Variants in SPON1 observed in about 807,000 individuals in gnomAD.
SPON1 encodes spondin 1.
SPON1 carries 52 observed loss-of-function variants against 111.7 expected under a neutral mutation model. The observed-to-expected ratio is 0.47, with a 90% confidence interval of 0.37 to 0.59. The LOEUF is 0.59. Among genes scored for constraint, SPON1 ranks in the 20% least tolerant of loss-of-function variants. The probability of loss-of-function intolerance (pLI) is 0.00; values close to 1 mark genes in which losing one functional copy is unlikely to be tolerated. For synonymous variants in SPON1, 410 were observed against 395.8 expected, an observed-to-expected ratio of 1.04 and a Z score of -0.43; for missense variants, 957 against 1,068.5, an observed-to-expected ratio of 0.90 and a Z score of 1.46.
intron 3 of SPON1, among the ~76,000 whole-genome samples, chr11:14,046,283 T>C (rs1490683818): frequency 2.0e-5 from 3 of 152,186 alleles, no homozygotes; most frequent in African/African-American, 7.2e-5. Context: ...TCTAATTCCT[T>C]GTGGACTCTC....
chr11:14,103,790 A>G (rs1009961215), intron 5 of SPON1, among the ~76,000 whole-genome samples: 1 of 152,174 alleles, frequency 6.6e-6, no homozygotes, highest in Non-Finnish European at 1.5e-5. Context: ...AATTGTTGGC[A>G]ATACCTACCC....
At chr11:14,152,294 A>G (rs1554929983) in intron 6 of SPON1, among the ~76,000 whole-genome samples, 1 of 152,166 alleles carries the variant, frequency 6.6e-6, no homozygotes, top group Non-Finnish European at 1.5e-5. Flanking sequence ...AGTTCTCCAA[A>G]CTACAACCTA....
At chr11:14,068,109 T>C (rs529770285) in intron 3 of SPON1, among the ~76,000 whole-genome samples, 86 of 152,354 alleles carry the variant, frequency 5.6e-4, no homozygotes, top group Non-Finnish European at 2.1e-4. Flanking sequence ...ATATCTCTTA[T>C]ATGAAAATCA....
chr11:14,259,608 A>C lies in SPON1; in HGVS notation c.1738A>C (p.Lys580Gln). 1 of 1,557,676 alleles carries C rather than the reference A, an allele frequency of 6.4e-7. No homozygotes were observed. The highest frequency in any genetic ancestry group is 1.2e-5 in the South Asian group (1 of 84,322). ...CGCCACCTGCGGCATGGGCATGAAG[A>C]AGCGGCACCGCATGATCAAGATGAA... ...CSATCGMGMKKRHRMIKMNPA... is the reference protein window; with the variant it reads ...CSATCGMGMKQRHRMIKMNPA... Residue 580 changes from lysine (K) to glutamine (Q), a missense_variant, in exon 13 of 16, where the codon AAG (lysine) becomes CAG (glutamine). Around this residue, in one of 5 missense-constraint regions of SPON1, gnomAD observed 549 missense variants for 606.2 expected, o/e 0.91. Coordinates refer to ENST00000576479, the MANE Select transcript of SPON1 (RefSeq NM_006108.4). This position sits in a 1 kb window ranked among gnomAD's most constrained non-coding sequence, Gnocchi z 5.0.
chr11:13,993,309 C>T (rs146920493), intron 2 of SPON1, among the ~76,000 whole-genome samples: 63 of 151,964 alleles, frequency 4.1e-4, no homozygotes, highest in Admixed American at 9.8e-4. Flanking sequence ...ACAGCGGGTT[C>T]CAGCACAACA....
At chr11:14,157,557 T>C (rs1023246750) in intron 6 of SPON1, among the ~76,000 whole-genome samples, 6 of 152,022 alleles carry the variant, frequency 3.9e-5, no homozygotes. Context: ...ACTTCATGCA[T>C]CCATGTCTTG....
chr11:14,117,607 G>C (rs1849276318), intron 5 of SPON1, among the ~76,000 whole-genome samples: 1 of 152,168 alleles, frequency 6.6e-6, no homozygotes, highest in Non-Finnish European at 1.5e-5. Flanking sequence ...TACATCTATG[G>C]TCATGAAAGA....
At chr11:13,999,546 C>T (rs914285325) in intron 2 of SPON1, among the ~76,000 whole-genome samples, 3 of 151,966 alleles carry the variant, frequency 2.0e-5, no homozygotes, top group Non-Finnish European at 2.9e-5. Flanking sequence ...GCTGGGACTA[C>T]AGGCACCCGC....
intron 2 of SPON1, among the ~76,000 whole-genome samples, chr11:14,026,621 G>A (rs543900008): frequency 3.9e-4 from 59 of 152,288 alleles, no homozygotes; most frequent in African/African-American, 1.3e-3. Flanking sequence ...ATCCCATGCC[G>A]ATGTCTGCTG....
At position 14,011,646 on chromosome 11, in the gene SPON1, A is replaced by C. The variant is rs143307716; in HGVS notation, c.345+28693A>C. ...TTCTACATGGCTTATGAGGCCCTTC[A>C]TGATCTGGCAACTAGCTCACATTTC... On this transcript the variant is annotated intron_variant, in intron 2 of 15. Coordinates refer to ENST00000576479, the MANE Select transcript of SPON1 (RefSeq NM_006108.4). Among the ~76,000 whole-genome samples, 6 of 152,204 alleles carry C rather than the reference A, an allele frequency of 3.9e-5. No homozygotes were observed. The East Asian group carries it at 1.2e-3, about 29-fold the overall frequency.
intron 2 of SPON1, among the ~76,000 whole-genome samples, chr11:14,006,849 T>C (rs1159153928): frequency 2.0e-5 from 3 of 152,232 alleles, no homozygotes; most frequent in Non-Finnish European, 2.9e-5. Flanking sequence ...CACATCATGC[T>C]AATTTCCTAG....
At position 14,259,711 on chromosome 11, in the gene SPON1, A is replaced by G; in HGVS notation, c.1831+10A>G. 11 of 1,567,202 alleles carry G rather than the reference A, an allele frequency of 7.0e-6. No homozygotes were observed. Among genetic ancestry groups the G allele is most frequent in the Non-Finnish European group, 9.5e-6 (11 of 1,156,090 alleles). On this transcript the variant is annotated intron_variant, in intron 13 of 15. Coordinates refer to ENST00000576479, the MANE Select transcript of SPON1 (RefSeq NM_006108.4). The surrounding 1 kb of genome is among the most constrained non-coding windows in gnomAD (Gnocchi z 5.0). The stretch of plus-strand genomic sequence containing the variant: ...ATGATGCCAGAGTGCCGTGAGTGAG[A>G]GCGGGGGTGGACTTGGAGGAGGCCA...
intron 5 of SPON1, among the ~76,000 whole-genome samples, chr11:14,116,216 T>A (rs1318200488): frequency 6.6e-6 from 1 of 152,174 alleles, no homozygotes; most frequent in Non-Finnish European, 1.5e-5. Context: ...TCTAATCTTT[T>A]GGTAAATAGA....
intron 1 of SPON1, among the ~76,000 whole-genome samples, chr11:13,973,446 T>A (rs1202440077): frequency 6.6e-6 from 1 of 152,180 alleles, no homozygotes; most frequent in African/African-American, 2.4e-5. Flanking sequence ...GAGGCATCCT[T>A]CCCATTATTC....
chr11:14,216,025 A>G (rs1848622092), intron 6 of SPON1, among the ~76,000 whole-genome samples: 1 of 152,254 alleles, frequency 6.6e-6, no homozygotes, highest in Non-Finnish European at 1.5e-5. Context: ...ATTGCCAAAT[A>G]GAACGTAGGG....
chr11:14,099,947 AACTC>A (rs1849130470), intron 5 of SPON1, among the ~76,000 whole-genome samples: 1 of 152,046 alleles, frequency 6.6e-6, no homozygotes, highest in Admixed American at 6.5e-5. Flanking sequence ...CCAGAGCGAG[AACTC>A]ACTCATCACC....
At chr11:14,045,352 A>G (rs1848660585) in intron 3 of SPON1, among the ~76,000 whole-genome samples, 2 of 152,162 alleles carry the variant, frequency 1.3e-5, no homozygotes, top group South Asian at 4.2e-4. Flanking sequence ...AGAGGGGGGC[A>G]GATCGCCTGA....
chr11:14,227,755 A>T (rs1181298502), intron 6 of SPON1, among the ~76,000 whole-genome samples: 9 of 152,236 alleles, frequency 5.9e-5, no homozygotes, highest in African/African-American at 2.2e-4. Flanking sequence ...ATCAAGGCTC[A>T]AAGAGTTAAG....
intron 5 of SPON1, among the ~76,000 whole-genome samples, chr11:14,129,829 T>C (rs1295848662): frequency 1.3e-5 from 2 of 152,134 alleles, no homozygotes; most frequent in South Asian, 2.1e-4. Context: ...CTTACAATCA[T>C]GGCAGAAGGT....
Sources: gnomAD v4.1 joint callset for allele counts (sites outside exome capture counted in the v4.1 genomes callset) on GRCh38, gnomAD v4.1.1 for gene constraint, gnomAD v4.1.1 regional missense constraint, Gnocchi (gnomAD v3.1) non-coding constraint, MANE v1.5 for transcripts, NCBI Gene and HGNC (gene_info 2026-07-23, HGNC 2026-07-21) for gene names.